TBL3: variants seen among roughly 807,000 people sequenced by gnomAD.
TBL3 encodes the protein transducin beta-like protein 3.
In TBL3, 71 loss-of-function variants were observed where a neutral mutation model predicts 102.7. The observed-to-expected ratio is 0.69, with a 90% CI of 0.57 to 0.84. The LOEUF is 0.84. Ranked by LOEUF, TBL3 falls within the 40% of genes least tolerant of loss-of-function variation. The probability of loss-of-function intolerance (pLI) is 0.00; values close to 1 mark genes in which losing one functional copy is unlikely to be tolerated. For synonymous variants in TBL3, 578 were observed against 477.7 expected, an observed-to-expected ratio of 1.21 and a Z score of -2.74; for missense variants, 1,188 against 1,098.5, an observed-to-expected ratio of 1.08 and a Z score of -1.15.
At chr16:1,973,592 G>A (rs746975391) in intron 1 of TBL3, among the ~76,000 whole-genome samples, 3 of 152,188 alleles carry the variant, frequency 2.0e-5, no homozygotes, top group Non-Finnish European at 2.9e-5. Flanking sequence ...ACAGCTGCTC[G>A]TGGGACCCGG....
Position 1,976,802 on chromosome 16 carries a change from G to T in TBL3, c.1293-12G>T. ...GCTCAGCTGTGTCTCCTCCTCTCCTGTTGGGTCACAGGCTGAAGGAGTCCT... is the reference window on the plus strand; with the variant it reads ...GCTCAGCTGTGTCTCCTCCTCTCCTTTTGGGTCACAGGCTGAAGGAGTCCT... On this transcript the variant is annotated splice_polypyrimidine_tract_variant and intron_variant, in intron 13 of 21. Coordinates refer to ENST00000568546, the MANE Select transcript of TBL3 (RefSeq NM_006453.3). 1 of 1,612,916 alleles carries T rather than the reference G, an allele frequency of 6.2e-7. No individual in the cohort carries two copies. The highest frequency in any genetic ancestry group is 8.5e-7 in the Non-Finnish European group (1 of 1,179,916).
At position 1,979,231 on chromosome 16, in the gene TBL3, A is replaced by C; in HGVS notation, c.*546A>C. The C allele has an allele frequency of 8.7e-6, 13 of 1,499,810 alleles. No homozygotes were observed. The highest frequency in any genetic ancestry group is 1.1e-5 in the Non-Finnish European group (13 of 1,131,576). 92.9% of individuals were successfully genotyped at this position (1,499,810 alleles called of 1,614,324 possible). On this transcript the variant is annotated 3_prime_UTR_variant, in exon 22 of 22. Coordinates refer to ENST00000568546, the MANE Select transcript of TBL3 (RefSeq NM_006453.3). ...GCGGTGGCCTGGGAGGGTTCAGGGA[A>C]GCCCCGGGCCTCACCCGCCGGGTCG...
Position 1,978,904 on chromosome 16 carries a change from T to G in TBL3, c.*219T>G. The G allele has an allele frequency of 9.1e-7, 1 of 1,100,520 alleles. No homozygotes were observed. Among genetic ancestry groups the G allele is most frequent in the Non-Finnish European group, 1.3e-6 (1 of 778,808 alleles). 68.2% of individuals were successfully genotyped at this position (1,100,520 alleles called of 1,614,324 possible). A position where few individuals can be genotyped will look rare whatever the true frequency, so the allele number is the denominator to read the frequency against. On this transcript the variant is annotated 3_prime_UTR_variant, in exon 22 of 22. Coordinates refer to ENST00000568546, the MANE Select transcript of TBL3 (RefSeq NM_006453.3). ...GATCCAGCCCGCGGCTCCGCACGCT[T>G]AGACGGTGGGGGTCATGCAGAACAA...
At chr16:1,973,227 G>A (rs1362476953) in intron 1 of TBL3, among the ~76,000 whole-genome samples, 1 of 152,144 alleles carries the variant, frequency 6.6e-6, no homozygotes, top group Non-Finnish European at 1.5e-5. Context: ...GGATCACGAG[G>A]TCAGGAGATT....
chr16:1,978,414 G>A lies in TBL3; in HGVS notation c.2236G>A (p.Glu746Lys), dbSNP rs150335097. ...GCTCTTGAGGCGAGAGGCCCCCGAG[G>A]AGCTGCTGGCCTACGAAGGCGTGCG... ...GVLLRREAPE[E>K]LLAYEGVRAA... The change falls in exon 21 of 22, where the codon GAG (glutamate) becomes AAG (lysine). Residue 746 changes from glutamate to lysine, a missense_variant. Glu to Lys is a moderately conservative substitution (Grantham distance 56). Coordinates refer to ENST00000568546, the MANE Select transcript of TBL3 (RefSeq NM_006453.3). The A allele has an allele frequency of 1.2e-3, 1,995 of 1,611,242 alleles. 5 individuals carry two copies. The highest frequency in any genetic ancestry group is 1.6e-3 in the Non-Finnish European group (1,906 of 1,179,012).
At position 1,981,913 on chromosome 16, in the gene TBL3, T is replaced by C. The variant is rs1396987443; in HGVS notation, c.*3228T>C. 1 of 152,120 alleles carries C rather than the reference T, an allele frequency of 6.6e-6. No individual in the cohort carries two copies. The highest frequency in any genetic ancestry group is 1.9e-4 in the East Asian group (1 of 5,182). 9.4% of individuals were successfully genotyped at this position (152,120 alleles called of 1,614,324 possible). A position where few individuals can be genotyped will look rare whatever the true frequency, so the allele number is the denominator to read the frequency against. On this transcript the variant is annotated 3_prime_UTR_variant, in exon 22 of 22. Transcript: ENST00000568546. The stretch of plus-strand genomic sequence containing the variant: ...GGGCCCATCTGTGCAGTCACTGGCA[T>C]TTGGTGGGTGGGGGTGGTGGTCAGG...
rs967000332 is a variant in TBL3 at position 1,980,470 on chromosome 16, G to A, written c.*1785G>A. The A allele has an allele frequency of 1.7e-5, 27 of 1,602,106 alleles. No individual in the cohort carries two copies. The highest frequency in any genetic ancestry group is 2.1e-5 in the Non-Finnish European group (25 of 1,179,846). On this transcript the variant is annotated 3_prime_UTR_variant, in exon 22 of 22. Coordinates refer to ENST00000568546, the MANE Select transcript of TBL3 (RefSeq NM_006453.3). ...CGCTCTGCAGTCGCCAGCAGCCTCC[G>A]AGAATAGGTTTCCAACAGCTGCAGG...
chr16:1,980,883 G>A lies in TBL3; in HGVS notation c.*2198G>A. 6.9e-7 allele frequency: 1 copy of A among 1,439,048 alleles called. No individual in the cohort carries two copies. The highest frequency in any genetic ancestry group is 1.4e-5 in the African/African-American group (1 of 72,888). The allele number at this position is 1,439,048 out of a possible 1,614,324, so 89.1% of individuals were successfully genotyped here. A position where few individuals can be genotyped will look rare whatever the true frequency, so the allele number is the denominator to read the frequency against. On this transcript the variant is annotated 3_prime_UTR_variant, in exon 22 of 22. Coordinates refer to ENST00000568546, the MANE Select transcript of TBL3 (RefSeq NM_006453.3). ...ACTGATGGGAGGCAGTCCAGTGGGA[G>A]GCAGCCGCGTGGGGAAGCCGCCACC...
chr16:1,979,068 G>T lies in TBL3; in HGVS notation c.*383G>T. 1 of 1,544,734 alleles carries T rather than the reference G, an allele frequency of 6.5e-7. No individual in the cohort carries two copies. On this transcript the variant is annotated 3_prime_UTR_variant, in exon 22 of 22. Coordinates refer to ENST00000568546, the MANE Select transcript of TBL3 (RefSeq NM_006453.3). The stretch of plus-strand genomic sequence containing the variant: ...TCCTCGCGCTCACTGCTCCGTCGTG[G>T]GGTGCGGCACAGAGTCCACGCACCC...
rs368326572 is a variant in TBL3, at chr16:1,975,430, G to A, written c.797G>A (p.Gly266Asp). ...KSPGLYFLTA[G>D]DQGTLRVWEA... is the part of the protein sequence containing the mutation. ...CCAGGGCTGTACTTTCTGACAGCTG[G>A]CGACCAAGGTGTGTTGGGCCGGGAC... The change falls in exon 9 of 22, where the codon GGC becomes GAC. Residue 266 changes from glycine to aspartate, a missense_variant. Coordinates refer to ENST00000568546, the MANE Select transcript of TBL3 (RefSeq NM_006453.3). 4 of 1,613,744 alleles carry A rather than the reference G, an allele frequency of 2.5e-6. No homozygotes were observed. Among genetic ancestry groups the A allele is most frequent in the Non-Finnish European group, 2.5e-6 (3 of 1,179,938 alleles).
At chr16:1,976,484 G>A (rs1405518378) in intron 13 of TBL3, among the ~76,000 whole-genome samples, 170 bp downstream of exon 13, 1 of 152,184 alleles carries the variant, frequency 6.6e-6, no homozygotes, top group East Asian at 1.9e-4. Context: ...GGTGCCTCGG[G>A]GTCAGTCCTC....
rs148031957 is a variant in TBL3 at position 1,975,680 on chromosome 16, C to T, written c.957C>T (p.Tyr319=). 31 of 1,610,708 alleles carry T rather than the reference C, an allele frequency of 1.9e-5. No homozygotes were observed. Among genetic ancestry groups the T allele is most frequent in the Middle Eastern group, 1.7e-4 (1 of 6,058 alleles). ...CCGCCGACCACAACCTGTTGCTCTA[C>T]GAGGCTCGCTCCCTGCGGCTGCAGA... ...TATADHNLLL[Y]EARSLRLQKQ... The change falls in exon 10 of 22, where the codon TAC becomes TAT. Residue 319 remains tyrosine (Y), a synonymous_variant. Transcript: ENST00000568546.
chr16:1,979,506 C>G lies in TBL3; in HGVS notation c.*821C>G. On this transcript the variant is annotated 3_prime_UTR_variant, in exon 22 of 22. Transcript: ENST00000568546. ...GGGCACGGACAGCTCATCTGCGCGG[C>G]TGCTCTCGTAGGCGCGGGAAGCACA... 2 of 1,611,842 alleles carry G rather than the reference C, an allele frequency of 1.2e-6. No homozygotes were observed. The highest frequency in any genetic ancestry group is 1.7e-4 in the Middle Eastern group (1 of 6,054).
rs1319149144 is a variant in TBL3 at position 1,980,315 on chromosome 16, C to T, written c.*1630C>T. The stretch of plus-strand genomic sequence containing the variant: ...GGCTGTTCCCCCCCACCCTGGACCT[C>T]TCCCAGCTCCAAACGCCGCTGCATG... On this transcript the variant is annotated 3_prime_UTR_variant, in exon 22 of 22. Transcript: ENST00000568546. 3.8e-6 allele frequency: 6 copies of T among 1,567,628 alleles called. No homozygotes were observed. In the East Asian group the frequency reaches 1.1e-4, roughly 29 times the overall value.
intron 13 of TBL3, 136 bp from the exon 14 acceptor site, chr16:1,976,678 G>A (rs1168361784): frequency 3.0e-6 from 3 of 990,750 alleles, no homozygotes; most frequent in Non-Finnish European, 4.4e-6. Context: ...GTGCCTGGGG[G>A]TGACCCAGGC....
chr16:1,979,887 C>G lies in TBL3; in HGVS notation c.*1202C>G, dbSNP rs770928987. On this transcript the variant is annotated 3_prime_UTR_variant, in exon 22 of 22. Coordinates refer to ENST00000568546, the MANE Select transcript of TBL3 (RefSeq NM_006453.3). ...ACCAGGCGGTCTGCCGGTCTTCGTTCTCCACCAGCCACCAGCCTGTGCGCA... is the reference window on the plus strand; with the variant it reads ...ACCAGGCGGTCTGCCGGTCTTCGTTGTCCACCAGCCACCAGCCTGTGCGCA... The G allele has an allele frequency of 2.5e-6, 4 of 1,583,272 alleles. No individual in the cohort carries two copies. The South Asian group carries it at 4.6e-5, about 18-fold the overall frequency.
chr16:1,975,312 A>C, intron 8 of TBL3, 33 bp from the exon 9 acceptor site: 1 of 1,613,936 alleles, frequency 6.2e-7, no homozygotes, highest in Non-Finnish European at 8.5e-7. Flanking sequence ...GGGAGGGGGC[A>C]TGATAGCAGC....
Position 1,981,169 on chromosome 16 carries a change from G to A in TBL3, c.*2484G>A. The A allele has an allele frequency of 6.2e-7, 1 of 1,613,626 alleles. No individual in the cohort carries two copies. Among genetic ancestry groups the A allele is most frequent in the Middle Eastern group, 1.7e-4 (1 of 6,052 alleles). On this transcript the variant is annotated 3_prime_UTR_variant, in exon 22 of 22. Coordinates refer to ENST00000568546, the MANE Select transcript of TBL3 (RefSeq NM_006453.3). The stretch of plus-strand genomic sequence containing the variant: ...CCCTTGCACTGAAACTGGGTATCGG[G>A]GGCCTGCCATGGCTGTGGCTTCCAG...
rs751700167 is a variant in TBL3 at position 1,975,074 on chromosome 16, G to A, written c.611G>A (p.Ser204Asn). ...AGCGCCGTCACCTCACTGGCCTTCA[G>A]CGCCGACGGCCACACCATGCTCAGG... ...HYSAVTSLAF[S>N]ADGHTMLSSG... Residue 204 changes from serine (S) to asparagine (N), a missense_variant, in exon 7 of 22, where the codon AGC (serine) becomes AAC (asparagine). Ser to Asn is a conservative substitution (Grantham distance 46). Transcript: ENST00000568546. 3.1e-6 allele frequency: 5 copies of A among 1,609,776 alleles called. No homozygotes were observed. In the Admixed American group the frequency reaches 6.7e-5, roughly 21 times the overall value.
Sources: gnomAD v4.1 joint callset for allele counts (sites outside exome capture counted in the v4.1 genomes callset) on GRCh38, gnomAD v4.1.1 for gene constraint, MANE v1.5 for transcripts, NCBI Gene and HGNC (gene_info 2026-07-23, HGNC 2026-07-21) for gene names.